Variants in GUCY1A2 observed in about 807,000 individuals in gnomAD.
GUCY1A2 encodes the protein guanylate cyclase 1 soluble subunit alpha 2, also known as guanylate cyclase soluble subunit alpha-2.
In GUCY1A2, 27 loss-of-function variants were observed where a neutral mutation model predicts 63.5. That is an observed-to-expected ratio of 0.43 (90% CI 0.31 to 0.59). The LOEUF (loss-of-function observed/expected upper bound fraction) is 0.59, where lower values mean the gene tolerates loss of function less well. Among genes scored for constraint, GUCY1A2 ranks in the 20% least tolerant of loss-of-function variants. The pLI is 0.11. For synonymous variants in GUCY1A2, 364 were observed against 343.5 expected, an observed-to-expected ratio of 1.06 and a Z score of -0.66; for missense variants, 768 against 913.3, an observed-to-expected ratio of 0.84 and a Z score of 2.05.
chr11:106,922,430 A>G (rs2119907310), intron 4 of GUCY1A2, among the ~76,000 whole-genome samples: 1 of 151,878 alleles, frequency 6.6e-6, no homozygotes, highest in South Asian at 2.1e-4. Context: ...TCACAATTTA[A>G]TAAAAGACAG....
chr11:106,931,663 A>C (rs954168553), intron 4 of GUCY1A2, among the ~76,000 whole-genome samples: 56 of 152,228 alleles, frequency 3.7e-4, no homozygotes, highest in Non-Finnish European at 5.9e-5. Flanking sequence ...AGGAAAAATT[A>C]ACAATCTGCT....
intron 6 of GUCY1A2, among the ~76,000 whole-genome samples, chr11:106,740,301 C>A (rs898560249): frequency 1.4e-4 from 21 of 151,904 alleles, no homozygotes; most frequent in African/African-American, 5.1e-4. Context: ...CCATGCCCGG[C>A]CTGAGAGGAA....
At chr11:106,859,660 C>T (rs1252743839) in intron 4 of GUCY1A2, among the ~76,000 whole-genome samples, 1 of 151,944 alleles carries the variant, frequency 6.6e-6, no homozygotes, top group Non-Finnish European at 1.5e-5. Context: ...AGTCATACAT[C>T]ACCTAACAAT....
intron 4 of GUCY1A2, among the ~76,000 whole-genome samples, chr11:106,859,450 G>C (rs1859479186): frequency 6.6e-6 from 1 of 151,854 alleles, no homozygotes; most frequent in Admixed American, 6.6e-5. Context: ...TTACAAGAAA[G>C]GTATAGTGCC....
intron 4 of GUCY1A2, among the ~76,000 whole-genome samples, chr11:106,908,097 A>C (rs983290094): frequency 1.3e-5 from 2 of 152,088 alleles, no homozygotes; most frequent in Non-Finnish European, 2.9e-5. Context: ...ATGTAGTAAA[A>C]ATAATTAAAG....
intron 6 of GUCY1A2, among the ~76,000 whole-genome samples, chr11:106,720,554 G>A (rs1271057406): frequency 6.6e-6 from 1 of 151,916 alleles, no homozygotes; most frequent in Non-Finnish European, 1.5e-5. Flanking sequence ...GATGAACGAT[G>A]CATAATGATA....
At chr11:106,809,167 T>A (rs1858731693) in intron 5 of GUCY1A2, among the ~76,000 whole-genome samples, 1 of 152,088 alleles carries the variant, frequency 6.6e-6, no homozygotes, top group South Asian at 2.1e-4. Flanking sequence ...AATAAGTAGC[T>A]GGTCAATATG....
intron 7 of GUCY1A2, among the ~76,000 whole-genome samples, chr11:106,705,511 A>G (rs910151811): frequency 2.6e-5 from 4 of 152,190 alleles, no homozygotes; most frequent in African/African-American, 9.7e-5. Context: ...AAATTAAAAC[A>G]TGTAAAATAA....
In GUCY1A2 at chr11:106,674,511, C is replaced by CT. The variant is rs1197282174; in HGVS notation, c.*13037dup. On this transcript the variant is annotated 3_prime_UTR_variant, in exon 8 of 8. Transcript: ENST00000526355. ...ATATAATATGAAATACCAAATGAAA[C>CT]TTTTTTAAAATTAATGGTACAGGTT... 1.1e-4 allele frequency: 19 copies of CT among 178,152 alleles called. No homozygotes were observed. In the East Asian group the frequency reaches 1.7e-3, roughly 16 times the overall value. The allele number at this position is 178,152 out of a possible 1,614,324, so 11.0% of individuals were successfully genotyped here.
chr11:106,794,038 C>A (rs1364830273), intron 5 of GUCY1A2, among the ~76,000 whole-genome samples: 2 of 152,104 alleles, frequency 1.3e-5, no homozygotes, highest in Non-Finnish European at 2.9e-5. Flanking sequence ...GAAGAGATAT[C>A]TGCACTTCCA....
intron 7 of GUCY1A2, among the ~76,000 whole-genome samples, chr11:106,705,626 C>T (rs4456231): frequency 0.017 from 2,550 of 151,992 alleles, 79 homozygotes; most frequent in African/African-American, 0.057. Context: ...TTTGGGAGGC[C>T]GAGGAGGGCA....
intron 6 of GUCY1A2, among the ~76,000 whole-genome samples, chr11:106,724,700 T>TC (rs1236109184): frequency 3.9e-5 from 6 of 152,174 alleles, no homozygotes; most frequent in Non-Finnish European, 5.9e-5. Context: ...TATGAGTGAG[T>TC]CATTGTTACT....
At chr11:106,799,705 T>C (rs1462353093) in intron 5 of GUCY1A2, among the ~76,000 whole-genome samples, 3 of 152,214 alleles carry the variant, frequency 2.0e-5, no homozygotes, top group African/African-American at 7.2e-5. Context: ...AAGCTGAAAC[T>C]AGATCCCTTC....
chr11:106,864,898 CAG>C (rs936973972), intron 4 of GUCY1A2, among the ~76,000 whole-genome samples: 2 of 152,004 alleles, frequency 1.3e-5, no homozygotes, highest in African/African-American at 4.8e-5. Flanking sequence ...GTGTCTCTGC[CAG>C]GTTTTGGTAT....
intron 4 of GUCY1A2, among the ~76,000 whole-genome samples, chr11:106,922,853 CA>C (rs1280997985): frequency 6.6e-6 from 1 of 151,474 alleles, no homozygotes; most frequent in African/African-American, 2.4e-5. Flanking sequence ...AATAAACGTT[CA>C]AAAATGGTCT....
At chr11:106,808,773 C>CA (rs1565296718) in intron 5 of GUCY1A2, among the ~76,000 whole-genome samples, 2 of 152,008 alleles carry the variant, frequency 1.3e-5, no homozygotes, top group African/African-American at 4.8e-5. Context: ...AAAGTGATGC[C>CA]AAATTCAGCT....
At chr11:106,713,173 C>G (rs1416632542) in intron 6 of GUCY1A2, among the ~76,000 whole-genome samples, 3 of 152,282 alleles carry the variant, frequency 2.0e-5, no homozygotes, top group Non-Finnish European at 4.4e-5. Context: ...TTTCTTATCT[C>G]TCAGGAATCA....
At chr11:106,876,991 A>G (rs971831732) in intron 4 of GUCY1A2, among the ~76,000 whole-genome samples, 3 of 152,096 alleles carry the variant, frequency 2.0e-5, no homozygotes, top group African/African-American at 7.2e-5. Flanking sequence ...GGGCCCAGTA[A>G]AAATCACAGG....
At chr11:106,821,384 A>G (rs1858901288) in intron 4 of GUCY1A2, among the ~76,000 whole-genome samples, 1 of 152,188 alleles carries the variant, frequency 6.6e-6, no homozygotes, top group Non-Finnish European at 1.5e-5. Flanking sequence ...CAGCACATAC[A>G]CACAATCAGT....
Sources: allele counts gnomAD v4.1 joint callset (sites outside exome capture counted in the v4.1 genomes callset), GRCh38; gene constraint gnomAD v4.1.1; transcripts MANE v1.5; gene names NCBI Gene and HGNC (gene_info 2026-07-23, HGNC 2026-07-21).